MCC: variants seen among roughly 807,000 people sequenced by gnomAD.
MCC encodes MCC regulator of Wnt signaling pathway, also known as colorectal mutant cancer protein.
A neutral mutation model predicts 116.2 loss-of-function variants in MCC; 90 were observed. That is an observed-to-expected ratio of 0.77 (90% confidence interval 0.65 to 0.92). The LOEUF is 0.92. Ranked by LOEUF, MCC falls within the 40% of genes least tolerant of loss-of-function variation. The pLI, the probability that MCC is intolerant of heterozygous loss-of-function variation, is 0.00. For synonymous variants in MCC, 578 were observed against 510.5 expected, an observed-to-expected ratio of 1.13 and a Z score of -1.78; for missense variants, 1,516 against 1,312.2, an observed-to-expected ratio of 1.16 and a Z score of -2.40.
At chr5:113,457,383 G>T (rs933960781) in intron 1 of MCC, among the ~76,000 whole-genome samples, 2 of 152,250 alleles carry the variant, frequency 1.3e-5, no homozygotes, top group African/African-American at 4.8e-5. Flanking sequence ...GCCTTCCCGC[G>T]GAGCAGGCCT....
At chr5:113,051,260 C>A (rs1291724308) in intron 15 of MCC, among the ~76,000 whole-genome samples, 1 of 152,146 alleles carries the variant, frequency 6.6e-6, no homozygotes, top group African/African-American at 2.4e-5. Context: ...CCCCTACCCC[C>A]ACCACCGAGG....
At chr5:113,295,666 C>T (rs1383448024) in intron 3 of MCC, among the ~76,000 whole-genome samples, 1 of 152,162 alleles carries the variant, frequency 6.6e-6, no homozygotes, top group Non-Finnish European at 1.5e-5. Context: ...GATCTGAGCT[C>T]CCCTTCAACT....
At chr5:113,480,214 G>A (rs1357741143) in intron 1 of MCC, among the ~76,000 whole-genome samples, 2 of 152,164 alleles carry the variant, frequency 1.3e-5, no homozygotes, top group Non-Finnish European at 2.9e-5. Flanking sequence ...ACAACCTTTT[G>A]TTGTTTATAG....
At chr5:113,370,479 C>T (rs1581433241) in intron 2 of MCC, among the ~76,000 whole-genome samples, 2 of 152,196 alleles carry the variant, frequency 1.3e-5, no homozygotes, top group African/African-American at 2.4e-5. Context: ...ATCCTATCCT[C>T]ATTTCTGTTC....
At chr5:113,276,776 G>A (rs1029153608) in intron 3 of MCC, among the ~76,000 whole-genome samples, 2 of 150,826 alleles carry the variant, frequency 1.3e-5, no homozygotes, top group South Asian at 2.1e-4. Flanking sequence ...ATGTGTACTC[G>A]TCACCACACC....
intron 3 of MCC, among the ~76,000 whole-genome samples, chr5:113,166,623 A>G (rs1170000313): frequency 6.6e-6 from 1 of 151,254 alleles, no homozygotes; most frequent in Non-Finnish European, 1.5e-5. Flanking sequence ...TGCAAACATC[A>G]CTTGAGATGG....
At position 113,022,257 on chromosome 5, in the gene MCC, A is replaced by G. The variant is rs561156977; in HGVS notation, c.*5045T>C. ...CAGCTAAAACTAAAGGCATCTGGAA[A>G]CATTTAAAGAATACAAGTGGAGAAT... On this transcript the variant is annotated 3_prime_UTR_variant, in exon 19 of 19. Transcript: ENST00000408903. The G allele has an allele frequency of 6.5e-6, 1 of 152,816 alleles. No individual in the cohort carries two copies. Among genetic ancestry groups the G allele is most frequent in the South Asian group, 2.1e-4 (1 of 4,834 alleles). 9.5% of individuals were successfully genotyped at this position (152,816 alleles called of 1,614,324 possible).
chr5:113,313,418 C>T (rs1041614518), intron 3 of MCC, among the ~76,000 whole-genome samples: 16 of 152,238 alleles, frequency 1.1e-4, no homozygotes, highest in African/African-American at 3.6e-4. Context: ...GGCCAAATTG[C>T]ACTCACTGAA....
chr5:113,171,357 C>A (rs1463741036), intron 3 of MCC, among the ~76,000 whole-genome samples: 1 of 151,034 alleles, frequency 6.6e-6, no homozygotes, highest in Non-Finnish European at 1.5e-5. Flanking sequence ...GCGGAAACCT[C>A]TTATTTTTTA....
intron 4 of MCC, among the ~76,000 whole-genome samples, chr5:113,145,737 T>TACACAC (rs558608537): frequency 1.6e-5 from 2 of 123,410 alleles, no homozygotes; most frequent in Admixed American, 8.8e-5. Context: ...TAAACTTGCT[T>TACACAC]ACACACACAC....
chr5:113,416,289 C>A (rs985588637), intron 1 of MCC, among the ~76,000 whole-genome samples: 1 of 152,192 alleles, frequency 6.6e-6, no homozygotes, highest in Non-Finnish European at 1.5e-5. Flanking sequence ...TGTGCTGGCA[C>A]ACACCTGTAG....
chr5:113,032,674 G>A (rs1751040958), intron 17 of MCC, among the ~76,000 whole-genome samples: 1 of 152,188 alleles, frequency 6.6e-6, no homozygotes, highest in Non-Finnish European at 1.5e-5. Flanking sequence ...AGGTAAAAGT[G>A]AGGCTAAGAC....
At chr5:113,135,115 T>A (rs1758731847) in intron 5 of MCC, among the ~76,000 whole-genome samples, 1 of 151,440 alleles carries the variant, frequency 6.6e-6, no homozygotes, top group African/African-American at 2.4e-5. Flanking sequence ...AATTTTTGTA[T>A]TTTTAGTGGA....
chr5:113,208,701 C>T (rs915551593), intron 3 of MCC, among the ~76,000 whole-genome samples: 4 of 152,110 alleles, frequency 2.6e-5, no homozygotes, highest in African/African-American at 9.7e-5. Flanking sequence ...AGAGGAGTCA[C>T]AGAAAATTCA....
rs538381265 is a variant in MCC at position 113,032,475 on chromosome 5, A to G, written c.2757-3419T>C. On this transcript the variant is annotated intron_variant, in intron 17 of 18. Transcript: ENST00000408903. ...AGATATTTTGGACATACTGGGTTACATTGTTATTAAAATTAATTTCATGTG... is the reference window on the plus strand; with the variant it reads ...AGATATTTTGGACATACTGGGTTACGTTGTTATTAAAATTAATTTCATGTG... Among the ~76,000 whole-genome samples the G allele has an allele frequency of 2.3e-4, 35 of 151,922 alleles. 1 individual carries two copies. The South Asian group carries it at 7.3e-3, about 32-fold the overall frequency.
At chr5:113,289,885 C>G (rs780381517) in intron 3 of MCC, among the ~76,000 whole-genome samples, 1 of 152,170 alleles carries the variant, frequency 6.6e-6, no homozygotes, top group Admixed American at 6.5e-5. Context: ...TACGCTTATG[C>G]TAATGCTATG....
intron 1 of MCC, chr5:113,437,283 T>C (rs781375193): frequency 9.2e-5 from 14 of 152,176 alleles, no homozygotes; most frequent in Non-Finnish European, 1.6e-4. Context: ...TTCTTGCAAA[T>C]TGGGCTTTCT....
intron 2 of MCC, among the ~76,000 whole-genome samples, chr5:113,372,665 G>C (rs1172485530): frequency 6.6e-6 from 1 of 152,146 alleles, no homozygotes; most frequent in Non-Finnish European, 1.5e-5. Flanking sequence ...GTATGAATGT[G>C]ATCACTATAT....
chr5:113,032,316 G>C (rs1163145367), intron 17 of MCC, among the ~76,000 whole-genome samples: 3 of 151,326 alleles, frequency 2.0e-5, no homozygotes, highest in Non-Finnish European at 4.4e-5. Flanking sequence ...CCTGAGGCAG[G>C]AGAATCGCTT....
Sources: allele counts gnomAD v4.1 joint callset (sites outside exome capture counted in the v4.1 genomes callset), GRCh38; gene constraint gnomAD v4.1.1; transcripts MANE v1.5; gene names NCBI Gene and HGNC (gene_info 2026-07-23, HGNC 2026-07-21).